PTPRN2: variants seen among roughly 807,000 people sequenced by gnomAD.
The protein encoded by PTPRN2 is receptor-type tyrosine-protein phosphatase N2.
Under a neutral mutation model 118.8 loss-of-function variants are expected in PTPRN2, and 74 were observed. The ratio of observed to expected loss-of-function variants is 0.62; its 90% CI spans 0.52 to 0.76. The LOEUF (loss-of-function observed/expected upper bound fraction) is 0.76. Among genes scored for constraint, PTPRN2 ranks in the 30% least tolerant of loss-of-function variants. PTPRN2 has a pLI of 0.00. For missense variants in PTPRN2, 1,481 were observed against 1,394.4 expected (o/e 1.06, Z -0.99); for synonymous variants, 641 against 608.0 (o/e 1.05, Z -0.80).
At chr7:157,689,638 G>A (rs539070837) in intron 12 of PTPRN2, among the ~76,000 whole-genome samples, 1 of 152,344 alleles carries the variant, frequency 6.6e-6, no homozygotes, top group Admixed American at 6.5e-5. Flanking sequence ...AACTGCACAG[G>A]TAGTTACGAA....
At chr7:158,036,848 A>C (rs1300176538) in intron 11 of PTPRN2, among the ~76,000 whole-genome samples, 1 of 152,224 alleles carries the variant, frequency 6.6e-6, no homozygotes, top group African/African-American at 2.4e-5. Context: ...TGGGATAGAT[A>C]ATGAAGCCTT....
chr7:158,336,284 C>G (rs796712401), intron 2 of PTPRN2, among the ~76,000 whole-genome samples: 1 of 92,472 alleles, frequency 1.1e-5, no homozygotes, highest in African/African-American at 4.2e-5. Context: ...TAAGAGCTGA[C>G]GCCCGCAGAC....
rs1800965110 is a variant in PTPRN2 at position 157,953,479 on chromosome 7, C to T, written c.1724-54742G>A. 6.6e-6 allele frequency among the ~76,000 whole-genome samples: 1 copy of T among 152,174 alleles called. No individual in the cohort carries two copies. The highest frequency in any genetic ancestry group is 2.1e-4 in the South Asian group (1 of 4,826). ...AGCGGAGTGCCCGTCACCACCTGCC[C>T]ACCTTCTTCACACCATGAGGCTGCT... On this transcript the variant is annotated intron_variant, in intron 11 of 22. Transcript: ENST00000389418. The surrounding 1 kb of genome is among the most constrained non-coding windows in gnomAD (Gnocchi z 4.6).
At chr7:157,712,405 G>A (rs115645793) in intron 12 of PTPRN2, among the ~76,000 whole-genome samples, 9,072 of 152,164 alleles carry the variant, frequency 0.06, 380 homozygotes, top group East Asian at 0.23. Flanking sequence ...AAGTGACCAC[G>A]AAGTCTCTGG....
At position 157,766,646 on chromosome 7, in the gene PTPRN2, T is replaced by A. The variant is rs116260196; in HGVS notation, c.1789-83709A>T. On this transcript the variant is annotated intron_variant, in intron 12 of 22. Coordinates refer to ENST00000389418, the MANE Select transcript of PTPRN2 (RefSeq NM_002847.5). ...TCCTCACAAATGCCTGTGCTGCGGG[T>A]CCTATTCTTTTCCCCAGTTTATGGA... Among the ~76,000 whole-genome samples the A allele has an allele frequency of 2.5e-3, 376 of 152,256 alleles. 1 individual carries two copies. Among genetic ancestry groups the A allele is most frequent in the African/African-American group, 8.7e-3 (361 of 41,534 alleles).
intron 1 of PTPRN2, among the ~76,000 whole-genome samples, chr7:158,582,708 G>A (rs1828693677): frequency 6.8e-6 from 1 of 146,332 alleles, no homozygotes; most frequent in Admixed American, 7.0e-5. Context: ...AAGATGGGTG[G>A]ATTGCTTGAG....
At chr7:157,735,139 C>T (rs1405705271) in intron 12 of PTPRN2, among the ~76,000 whole-genome samples, 1 of 152,216 alleles carries the variant, frequency 6.6e-6, no homozygotes, top group African/African-American at 2.4e-5. Context: ...CTCCTGTGGC[C>T]ACAGTCCTGT....
At chr7:158,020,266 C>T (rs1490891942) in intron 11 of PTPRN2, among the ~76,000 whole-genome samples, 3 of 152,242 alleles carry the variant, frequency 2.0e-5, no homozygotes, top group Non-Finnish European at 4.4e-5. Flanking sequence ...CAACACTACA[C>T]ATACATGAGC....
rs1805284533 is a variant in PTPRN2 at position 157,801,309 on chromosome 7, G to A, written c.1788+97364C>T. ...TCTCTCGACCCCTGTTAGGAGCAAC[G>A]GCGGTGAGGCAGGATGAACGGCCTC... is the stretch of plus-strand genomic sequence containing the variant. On this transcript the variant is annotated intron_variant, in intron 12 of 22. Coordinates refer to ENST00000389418, the MANE Select transcript of PTPRN2 (RefSeq NM_002847.5). The surrounding 1 kb of genome is among the most constrained non-coding windows in gnomAD (Gnocchi z 4.2). 6.6e-6 allele frequency among the ~76,000 whole-genome samples: 1 copy of A among 152,150 alleles called. No individual in the cohort carries two copies. Among genetic ancestry groups the A allele is most frequent in the South Asian group, 2.1e-4 (1 of 4,830 alleles).
At position 157,603,825 on chromosome 7, in the gene PTPRN2, C is replaced by T. The variant is rs1306635243; in HGVS notation, c.2418+177G>A. Among the ~76,000 whole-genome samples, 2 of 152,184 alleles carry T rather than the reference C, an allele frequency of 1.3e-5. No homozygotes were observed. The highest frequency in any genetic ancestry group is 1.9e-4 in the East Asian group (1 of 5,188). On this transcript the variant is annotated intron_variant, in intron 16 of 22. Transcript: ENST00000389418. This position sits in a 1 kb window ranked among gnomAD's most constrained non-coding sequence, Gnocchi z 5.4. The stretch of plus-strand genomic sequence containing the variant: ...GACCCACACGGCTCATAAACAGCCC[C>T]GCTGGTGAAGGAACAGGGGAGTGGC...
chr7:158,077,518 T>A (rs187903569), intron 11 of PTPRN2, among the ~76,000 whole-genome samples: 3 of 134,436 alleles, frequency 2.2e-5, no homozygotes, highest in African/African-American at 3.1e-5. Flanking sequence ...CCCATGAGCC[T>A]CACCCCACCA....
In PTPRN2 at chr7:157,977,056, CTA is replaced by C. The variant is rs1445253564; in HGVS notation, c.1724-78321_1724-78320del. On this transcript the variant is annotated intron_variant, in intron 11 of 22. Coordinates refer to ENST00000389418, the MANE Select transcript of PTPRN2 (RefSeq NM_002847.5). The surrounding 1 kb of genome is among the most constrained non-coding windows in gnomAD (Gnocchi z 4.6). ...TAAACACAGTAGTTTCCATGAAAAA[CTA>C]TGAGTAGGTATGGAAAATAAAACAG... Among the ~76,000 whole-genome samples the C allele has an allele frequency of 3.3e-5, 5 of 151,912 alleles. 1 individual carries two copies. The highest frequency in any genetic ancestry group is 7.4e-5 in the Non-Finnish European group (5 of 67,956).
At chr7:157,971,690 G>GGAAA (rs1182908592) in intron 11 of PTPRN2, among the ~76,000 whole-genome samples, 4 of 151,850 alleles carry the variant, frequency 2.6e-5, no homozygotes, top group Admixed American at 6.6e-5. Context: ...AAAAAAAGTG[G>GGAAA]GAAAGAAAGA....
chr7:157,892,668 A>G (rs1411803487), intron 12 of PTPRN2, among the ~76,000 whole-genome samples: 2 of 152,258 alleles, frequency 1.3e-5, no homozygotes, highest in Non-Finnish European at 1.5e-5. Flanking sequence ...CAGAATCGTC[A>G]AATTCAGGCT....
chr7:158,073,143 C>A (rs1053403060), intron 11 of PTPRN2, among the ~76,000 whole-genome samples: 1 of 152,158 alleles, frequency 6.6e-6, no homozygotes, highest in African/African-American at 2.4e-5. Context: ...TCAGCACCAC[C>A]TTTGCACTCA....
intron 2 of PTPRN2, among the ~76,000 whole-genome samples, chr7:158,441,853 G>A (rs1817311096): frequency 2.0e-5 from 3 of 147,588 alleles, no homozygotes; most frequent in Non-Finnish European, 3.0e-5. Context: ...TGGTGATGGT[G>A]ATAGTGATGG....
intron 2 of PTPRN2, among the ~76,000 whole-genome samples, chr7:158,474,629 G>A (rs372278358): frequency 5.3e-5 from 8 of 152,148 alleles, no homozygotes; most frequent in Non-Finnish European, 7.4e-5. Context: ...CCCCTCCTCC[G>A]AGAGGGACCC....
chr7:158,521,477 A>G (rs1441807510), intron 1 of PTPRN2, among the ~76,000 whole-genome samples: 1 of 152,274 alleles, frequency 6.6e-6, no homozygotes, highest in Non-Finnish European at 1.5e-5. Flanking sequence ...AGTAACTCCA[A>G]AATCAGTTGA....
intron 11 of PTPRN2, among the ~76,000 whole-genome samples, chr7:157,926,918 C>G (rs1234707939): frequency 6.6e-6 from 1 of 150,740 alleles, no homozygotes; most frequent in Non-Finnish European, 1.5e-5. Flanking sequence ...CAGGAAGCCC[C>G]AGGGACCCGT....
Sources: gnomAD v4.1 joint callset for allele counts (sites outside exome capture counted in the v4.1 genomes callset) on GRCh38, gnomAD v4.1.1 for gene constraint, Gnocchi (gnomAD v3.1) non-coding constraint, MANE v1.5 for transcripts, NCBI Gene and HGNC (gene_info 2026-07-23, HGNC 2026-07-21) for gene names.